Variants in TF observed in about 807,000 individuals in gnomAD.
TF encodes transferrin.
Under a neutral mutation model 82.4 loss-of-function variants are expected in TF, and 55 were observed. The ratio of observed to expected loss-of-function variants is 0.67; its 90% CI spans 0.54 to 0.84. The LOEUF is 0.84. TF is among the 40% of genes least tolerant of loss of function. The probability of loss-of-function intolerance (pLI) is 0.00; values close to 1 mark genes in which losing one functional copy is unlikely to be tolerated. For missense variants in TF, 737 were observed against 868.4 expected, an observed-to-expected ratio of 0.85 and a Z score of 1.90; for synonymous variants, 332 against 332.6, an observed-to-expected ratio of 1.00 and a Z score of 0.02.
Position 133,748,542 on chromosome 3 carries a change from T to C in TF, c.174T>C (p.Cys58=). 1 of 1,614,042 alleles carries C rather than the reference T, an allele frequency of 6.2e-7. No individual in the cohort carries two copies. Among genetic ancestry groups the C allele is most frequent in the East Asian group, 2.2e-5 (1 of 44,822 alleles). The change falls in exon 2 of 17, where the codon TGT becomes TGC. Residue 58 remains cysteine (C), a synonymous_variant. Transcript: ENST00000402696. ...CATCCGATGGTCCCAGTGTTGCTTG[T>C]GTGAAGAAAGCCTCCTACCTTGATT... The part of the protein sequence containing the change: ...VIPSDGPSVA[C]VKKASYLDCI...
chr3:133,755,679 C>A, intron 5 of TF, 184 bp downstream of exon 5: 2 of 744,844 alleles, frequency 2.7e-6, no homozygotes, highest in Non-Finnish European at 2.2e-6. Context: ...TGTTCCCTTT[C>A]ATCTGACCCT....
chr3:133,740,072 T>A, the TF span, among the ~76,000 whole-genome samples: 7 of 152,162 alleles, frequency 4.6e-5, no homozygotes, highest in African/African-American at 1.7e-4. Flanking sequence ...AGCAAAGACT[T>A]GGAACCAACC....
the TF span, among the ~76,000 whole-genome samples, chr3:133,696,739 A>G: frequency 6.6e-6 from 1 of 152,070 alleles, no homozygotes; most frequent in African/African-American, 2.4e-5. Flanking sequence ...GCACATCTGC[A>G]TTTAAATCTG....
the TF span, among the ~76,000 whole-genome samples, chr3:133,737,467 G>A: frequency 6.6e-6 from 1 of 151,898 alleles, no homozygotes; most frequent in East Asian, 1.9e-4. Flanking sequence ...ACTAAGATCA[G>A]AGCAGAGCTG....
In TF at chr3:133,792,925, C is replaced by T. The variant is rs895915926; in HGVS notation, c.*14305C>T. 3 of 152,016 alleles carry T rather than the reference C, an allele frequency of 2.0e-5. No homozygotes were observed. Among genetic ancestry groups the T allele is most frequent in the Non-Finnish European group, 2.9e-5 (2 of 67,984 alleles). The allele number at this position is 152,016 out of a possible 1,614,324, so 9.4% of individuals were successfully genotyped here. ...CACAAACAGGGTTTTCTTAAAGCAC[C>T]GATCTGCTCTTTAACAAACATTTGT... On this transcript the variant is annotated 3_prime_UTR_variant, in exon 17 of 17. Transcript: ENST00000402696.
chr3:133,716,437 A>G, the TF span, among the ~76,000 whole-genome samples: 1,257 of 152,224 alleles, frequency 8.3e-3, 14 homozygotes, highest in African/African-American at 0.028. Flanking sequence ...AAAAATGTCA[A>G]TACCTTGCTG....
In TF at chr3:133,790,749, C is replaced by T. The variant is rs1934811252; in HGVS notation, c.*12129C>T. ...TGCTTGCATTGCTTCACACTGTTTA[C>T]TGTTTTGTGTGGATAGTGCTGGCAC... On this transcript the variant is annotated 3_prime_UTR_variant, in exon 17 of 17. Coordinates refer to ENST00000402696, the MANE Select transcript of TF (RefSeq NM_001063.4). 1 of 152,178 alleles carries T rather than the reference C, an allele frequency of 6.6e-6. No individual in the cohort carries two copies. The allele number at this position is 152,178 out of a possible 1,614,324, so 9.4% of individuals were successfully genotyped here.
chr3:133,671,828 A>G, the TF span, among the ~76,000 whole-genome samples: 1 of 151,348 alleles, frequency 6.6e-6, no homozygotes, highest in Non-Finnish European at 1.5e-5. Context: ...AAGAAAAAGG[A>G]GAAGAAGGAA....
intron 2 of TF, among the ~76,000 whole-genome samples, chr3:133,751,422 G>A (rs889943538): frequency 4.7e-4 from 71 of 151,800 alleles, no homozygotes; most frequent in Admixed American, 8.5e-4. Flanking sequence ...TAGTAGAGAC[G>A]GGGTTTCACC....
chr3:133,728,023 A>C, the TF span, among the ~76,000 whole-genome samples: 1 of 152,184 alleles, frequency 6.6e-6, no homozygotes, highest in African/African-American at 2.4e-5. Context: ...CTGAGAGATC[A>C]GCTGTTTGTC....
the TF span, among the ~76,000 whole-genome samples, chr3:133,681,267 G>T: frequency 6.6e-6 from 1 of 152,210 alleles, no homozygotes; most frequent in Admixed American, 6.5e-5. Context: ...ACAGCTCCCA[G>T]CGTGAGCTAC....
intron 16 of TF, chr3:133,778,141 C>T (rs1934441612): frequency 5.0e-6 from 1 of 200,782 alleles, no homozygotes; most frequent in Non-Finnish European, 1.0e-5. Flanking sequence ...ATTTACCTAA[C>T]CTATATCCTC....
At chr3:133,692,304 G>C in the TF span, among the ~76,000 whole-genome samples, 2 of 152,238 alleles carry the variant, frequency 1.3e-5, no homozygotes, top group African/African-American at 4.8e-5. Flanking sequence ...CGTGTCATCA[G>C]TGTGTGTGAG....
the TF span, among the ~76,000 whole-genome samples, chr3:133,676,981 T>G: frequency 6.6e-6 from 1 of 152,192 alleles, no homozygotes; most frequent in Non-Finnish European, 1.5e-5. Flanking sequence ...AGTGTTCTAG[T>G]CAAACAAGAA....
chr3:133,724,124 A>G, the TF span, among the ~76,000 whole-genome samples: 2 of 152,206 alleles, frequency 1.3e-5, no homozygotes, highest in African/African-American at 4.8e-5. Context: ...ATACGTGTGC[A>G]TGTGTCTTTA....
intron 9 of TF, 134 bp downstream of exon 9, chr3:133,759,463 C>A: frequency 1.9e-6 from 2 of 1,065,388 alleles, no homozygotes; most frequent in Non-Finnish European, 2.8e-6. Flanking sequence ...ACTATGTGAG[C>A]ACAGCCCCAC....
chr3:133,704,462 C>T, the TF span: 3 of 153,818 alleles, frequency 2.0e-5, no homozygotes, highest in Admixed American at 1.3e-4. Flanking sequence ...AAAAAGTCTC[C>T]CTCTCCTGGA....
intron 1 of TF, among the ~76,000 whole-genome samples, chr3:133,747,872 A>G (rs1400552601): frequency 6.6e-6 from 1 of 151,944 alleles, no homozygotes; most frequent in Non-Finnish European, 1.5e-5. Context: ...GCAGACCCAG[A>G]GTCTGGAGAC....
chr3:133,684,633 C>G, the TF span, among the ~76,000 whole-genome samples: 1 of 151,868 alleles, frequency 6.6e-6, no homozygotes, highest in Non-Finnish European at 1.5e-5. Context: ...GGACACATAC[C>G]CCCTCCCAAG....
Sources: gnomAD v4.1 joint callset for allele counts (sites outside exome capture counted in the v4.1 genomes callset) on GRCh38, gnomAD v4.1.1 for gene constraint, MANE v1.5 for transcripts, NCBI Gene and HGNC (gene_info 2026-07-23, HGNC 2026-07-21) for gene names.